The following FRMD3 variants were observed in gnomAD, a reference collection of about 807,000 sequenced individuals.
FRMD3 encodes FERM domain containing 3, also known as FERM domain-containing protein 3.
In FRMD3, 33 loss-of-function variants were observed where a neutral mutation model predicts 70.2. The ratio of observed to expected loss-of-function variants is 0.47; its 90% CI spans 0.36 to 0.63. The LOEUF is 0.63. FRMD3 is among the 20% of genes least tolerant of loss of function. The pLI, the probability that FRMD3 is intolerant of heterozygous loss-of-function variation, is 0.00. For missense variants in FRMD3, 632 were observed against 711.4 expected, an observed-to-expected ratio of 0.89 and a Z score of 1.27; for synonymous variants, 279 against 255.9, an observed-to-expected ratio of 1.09 and a Z score of -0.86.
intron 1 of FRMD3, among the ~76,000 whole-genome samples, chr9:83,486,596 A>G (rs1465269241): frequency 6.6e-6 from 1 of 152,218 alleles, no homozygotes; most frequent in Non-Finnish European, 1.5e-5. Context: ...ACATTTCTCA[A>G]CATAAGCCTG....
chr9:83,491,533 C>T (rs1408892568), intron 1 of FRMD3, among the ~76,000 whole-genome samples: 1 of 152,132 alleles, frequency 6.6e-6, no homozygotes, highest in East Asian at 1.9e-4. Context: ...AGAGATGCCA[C>T]ATGCCCAGGG....
intron 1 of FRMD3, among the ~76,000 whole-genome samples, chr9:83,514,953 T>C (rs753329839): frequency 6.6e-6 from 1 of 151,794 alleles, no homozygotes; most frequent in Non-Finnish European, 1.5e-5. Flanking sequence ...AATAACTCCA[T>C]CCAAAGGTCA....
intron 1 of FRMD3, among the ~76,000 whole-genome samples, chr9:83,507,736 A>ATATATATATATATATATATATATATC (rs1554713917): frequency 3.4e-5 from 3 of 88,700 alleles, no homozygotes; most frequent in Admixed American, 1.3e-4. Context: ...ATATATATAT[A>ATATATATATATATATATATATATATC]TATCTTCTGG....
chr9:83,343,206 A>G lies in FRMD3; in HGVS notation c.456T>C (p.Gly152=). The G allele has an allele frequency of 6.2e-7, 1 of 1,613,146 alleles. No homozygotes were observed. Among genetic ancestry groups the G allele is most frequent in the Middle Eastern group, 1.6e-4 (1 of 6,062 alleles). The change falls in exon 5 of 14, where the codon GGT becomes GGC. Residue 152 remains glycine, a synonymous_variant. Coordinates refer to ENST00000304195, the MANE Select transcript of FRMD3 (RefSeq NM_174938.6). ...CAGACTTACCTTGAACAATACAGGC[A>G]CCCAGGTAGGCAGCATCAGAAAAGG... ...LCSFSDAAYL[G]ACIVQAELGD... is the part of the protein sequence containing the mutation.
intron 1 of FRMD3, among the ~76,000 whole-genome samples, chr9:83,448,980 T>C (rs1266116242): frequency 1.3e-5 from 2 of 152,204 alleles, no homozygotes; most frequent in Non-Finnish European, 2.9e-5. Flanking sequence ...CTTGGGGGTC[T>C]TATCTGTATG....
chr9:83,323,251 T>C (rs899801513), intron 6 of FRMD3, among the ~76,000 whole-genome samples: 2 of 152,166 alleles, frequency 1.3e-5, no homozygotes, highest in Non-Finnish European at 2.9e-5. Context: ...TTATTTGTAA[T>C]AGCAAAAACT....
chr9:83,434,347 A>G (rs1190182781), intron 1 of FRMD3, among the ~76,000 whole-genome samples: 1 of 152,184 alleles, frequency 6.6e-6, no homozygotes, highest in Non-Finnish European at 1.5e-5. Flanking sequence ...TTCAGTTCAC[A>G]TCCTGGCCCT....
At chr9:83,451,756 C>G (rs1427648657) in intron 1 of FRMD3, among the ~76,000 whole-genome samples, 1 of 152,184 alleles carries the variant, frequency 6.6e-6, no homozygotes, top group Non-Finnish European at 1.5e-5. Flanking sequence ...GCACTCAAAT[C>G]AGAACTTGGT....
chr9:83,347,067 C>T lies in FRMD3; in HGVS notation c.374+2612G>A, dbSNP rs553139296. Among the ~76,000 whole-genome samples, 4 of 152,224 alleles carry T rather than the reference C, an allele frequency of 2.6e-5. No homozygotes were observed. The East Asian group carries it at 7.7e-4, about 29-fold the overall frequency. On this transcript the variant is annotated intron_variant, in intron 4 of 13. Transcript: ENST00000304195. ...TCTTTCTACTTTTTGATGAGTTTGG[C>T]CATGAAAAATAGTTTCAAATAACTA...
chr9:83,359,558 ACGACTC>A (rs1824516743), intron 3 of FRMD3, among the ~76,000 whole-genome samples: 1 of 152,172 alleles, frequency 6.6e-6, no homozygotes, highest in Non-Finnish European at 1.5e-5. Flanking sequence ...TTCTGTCTCA[ACGACTC>A]CACCCAGTTG....
chr9:83,362,175 T>TTCTCTCTCTCTCTCTCTCTCTCTCTC (rs67469418), intron 3 of FRMD3, among the ~76,000 whole-genome samples: 1 of 146,922 alleles, frequency 6.8e-6, no homozygotes, highest in African/African-American at 2.5e-5. Context: ...ATGCTGTTGG[T>TTCTCTCTCTCTCTCTCTCTCTCTCTC]TCTCTCTCTC....
chr9:83,319,753 G>T lies in FRMD3; in HGVS notation c.597-6006C>A, dbSNP rs1835722075. On this transcript the variant is annotated intron_variant, in intron 6 of 13. Coordinates refer to ENST00000304195, the MANE Select transcript of FRMD3 (RefSeq NM_174938.6). ...TCTCTTGATAGTGAATGGGTCACAT[G>T]AGATCCAATGGTTTTAAAAATGAGA... 2.0e-5 allele frequency among the ~76,000 whole-genome samples: 3 copies of T among 152,206 alleles called. No individual in the cohort carries two copies. The South Asian group carries it at 6.2e-4, about 32-fold the overall frequency.
chr9:83,349,613 T>G, intron 4 of FRMD3, 66 bp downstream of exon 4: 2 of 1,206,416 alleles, frequency 1.7e-6, no homozygotes, highest in South Asian at 2.6e-5. Context: ...CCATCTAGCC[T>G]GCAAGACCAA....
At chr9:83,530,172 C>G (rs1218640329) in intron 1 of FRMD3, among the ~76,000 whole-genome samples, 2 of 152,148 alleles carry the variant, frequency 1.3e-5, no homozygotes, top group African/African-American at 2.4e-5. Context: ...GTCTAGAGAG[C>G]AACTTTTTCA....
Position 83,451,071 on chromosome 9 carries a change from G to A in FRMD3, c.148-61363C>T, listed in dbSNP as rs115276702. Among the ~76,000 whole-genome samples the A allele has an allele frequency of 4.0e-3, 601 of 152,150 alleles. 4 individuals carry two copies. Among genetic ancestry groups the A allele is most frequent in the African/African-American group, 0.012 (515 of 41,550 alleles). ...TAAATCACGAGCAATTTGTTTTTAT[G>A]ACAAAAACAAAATACACCTTTTTTT... is the stretch of plus-strand genomic sequence containing the variant. On this transcript the variant is annotated intron_variant, in intron 1 of 13. Coordinates refer to ENST00000304195, the MANE Select transcript of FRMD3 (RefSeq NM_174938.6).
intron 1 of FRMD3, among the ~76,000 whole-genome samples, chr9:83,392,147 GC>G (rs1169423183): frequency 6.6e-5 from 10 of 151,456 alleles, no homozygotes; most frequent in African/African-American, 2.4e-4. Flanking sequence ...GTCCTTTCCT[GC>G]CTTGGGTACA....
the FRMD3 span, among the ~76,000 whole-genome samples, chr9:83,545,469 T>A: frequency 1.3e-5 from 2 of 148,642 alleles, no homozygotes; most frequent in African/African-American, 4.9e-5. Flanking sequence ...GCCATTCTCC[T>A]GCCTCAGCCT....
chr9:83,432,039 T>G (rs893194475), intron 1 of FRMD3, among the ~76,000 whole-genome samples: 18 of 152,090 alleles, frequency 1.2e-4, no homozygotes, highest in African/African-American at 4.3e-4. Context: ...TACCCAATAT[T>G]TATTAACTAA....
At chr9:83,453,059 T>A (rs10868014) in intron 1 of FRMD3, among the ~76,000 whole-genome samples, 1 of 151,720 alleles carries the variant, frequency 6.6e-6, no homozygotes, top group Non-Finnish European at 1.5e-5. Flanking sequence ...TTTCGCCATG[T>A]TGGTCAGGCT....
Sources: gnomAD v4.1 joint callset for allele counts (sites outside exome capture counted in the v4.1 genomes callset) on GRCh38, gnomAD v4.1.1 for gene constraint, MANE v1.5 for transcripts, NCBI Gene and HGNC (gene_info 2026-07-23, HGNC 2026-07-21) for gene names.